SIGMAR1: variants seen among roughly 807,000 people sequenced by gnomAD.
SIGMAR1 encodes the protein SR31747 binding protein 1.
In SIGMAR1, 18 loss-of-function variants were observed where a neutral mutation model predicts 25.4. The ratio of observed to expected loss-of-function variants is 0.71; its 90% CI spans 0.49 to 1.05. SIGMAR1 has a LOEUF of 1.05. SIGMAR1 is among the 50% of genes least tolerant of loss of function. SIGMAR1 has a pLI of 0.00. For missense variants in SIGMAR1, 249 were observed against 301.6 expected (o/e 0.83, Z 1.29); for synonymous variants, 125 against 131.6 (o/e 0.95, Z 0.34).
Position 34,635,581 on chromosome 9 carries a change from C to T in SIGMAR1, c.*51G>A, listed in dbSNP as rs768783740. The T allele has an allele frequency of 7.5e-6, 12 of 1,610,312 alleles. No homozygotes were observed. The highest frequency in any genetic ancestry group is 1.7e-4 in the Middle Eastern group (1 of 5,920). ...ATGGGCTCCAGCAAGTGGATATGTG[C>T]GGGCCTGCCCGCTCCTGTCTATCCG... On this transcript the variant is annotated 3_prime_UTR_variant, in exon 4 of 4. Coordinates refer to ENST00000277010, the MANE Select transcript of SIGMAR1 (RefSeq NM_005866.4). The surrounding 1 kb of genome is among the most constrained non-coding windows in gnomAD (Gnocchi z 4.5).
In SIGMAR1 at chr9:34,635,893, C is replaced by CTGCTTTTCCATGGCT. The variant is rs763791047; in HGVS notation, c.446-36_446-35insAGCCATGGAAAAGCA. ...AGGGAGCACCCAAGTGAAAAGCCAG[C>CTGCTTTTCCATGGCT]TCTGCCCTGCCCTTCCATGGCTGCT... On this transcript the variant is annotated intron_variant, in intron 3 of 3. Coordinates refer to ENST00000277010, the MANE Select transcript of SIGMAR1 (RefSeq NM_005866.4). The surrounding 1 kb of genome is among the most constrained non-coding windows in gnomAD (Gnocchi z 4.5). The CTGCTTTTCCATGGCT allele has an allele frequency of 6.2e-6, 10 of 1,612,264 alleles. No individual in the cohort carries two copies. The highest frequency in any genetic ancestry group is 7.6e-6 in the Non-Finnish European group (9 of 1,179,824).
Position 34,637,294 on chromosome 9 carries a change from A to T in SIGMAR1, c.278T>A (p.Met93Lys), listed in dbSNP as rs1436490961. Reference sequence around the variant, plus strand: ...GGACAGCGAGGCGTGCAGAAGGCACATGGCGCCCATCCAGCCACCCGCATT... The same window carrying T: ...GGACAGCGAGGCGTGCAGAAGGCACTTGGCGCCCATCCAGCCACCCGCATT... ...FVNAGGWMGAMCLLHASLSEY... is the reference protein window; with the variant it reads ...FVNAGGWMGAKCLLHASLSEY... Residue 93 changes from methionine to lysine, a missense_variant, in exon 2 of 4, where the codon ATG becomes AAG. Transcript: ENST00000277010. 6.3e-7 allele frequency: 1 copy of T among 1,589,910 alleles called. No homozygotes were observed. Among genetic ancestry groups the T allele is most frequent in the East Asian group, 2.3e-5 (1 of 44,108 alleles).
Position 34,635,158 on chromosome 9 carries a change from G to A in SIGMAR1, c.*474C>T. The A allele has an allele frequency of 4.0e-6, 1 of 252,086 alleles. No individual in the cohort carries two copies. Among genetic ancestry groups the A allele is most frequent in the African/African-American group, 2.2e-5 (1 of 45,256 alleles). The allele number at this position is 252,086 out of a possible 1,614,324, so 15.6% of individuals were successfully genotyped here. On this transcript the variant is annotated 3_prime_UTR_variant, in exon 4 of 4. Transcript: ENST00000277010. The surrounding 1 kb of genome is among the most constrained non-coding windows in gnomAD (Gnocchi z 4.5). The stretch of plus-strand genomic sequence containing the variant: ...AAGGGCATCATAGCTGCAGGTGAAG[G>A]GGGCCTCCAAAAGGCAGCTCCTCTT...
chr9:34,635,800 T>C lies in SIGMAR1; in HGVS notation c.504A>G (p.Thr168=). The change falls in exon 4 of 4, where the codon ACA becomes ACG. Residue 168 remains threonine, a synonymous_variant. Transcript: ENST00000277010. The surrounding 1 kb of genome is among the most constrained non-coding windows in gnomAD (Gnocchi z 4.5). Reference sequence around the variant, plus strand: ...CGCCCCGGCCGTACTCCACCATCCATGTGTTTGGCCCCCACTCCACAGCTG... The same window carrying C: ...CGCCCCGGCCGTACTCCACCATCCACGTGTTTGGCCCCCACTCCACAGCTG... ...EATAVEWGPN[T]WMVEYGRGVI... is the part of the protein sequence containing the mutation. 4 of 1,614,168 alleles carry C rather than the reference T, an allele frequency of 2.5e-6. No individual in the cohort carries two copies. In the African/African-American group the frequency reaches 5.3e-5, roughly 22 times the overall value.
chr9:34,635,836 A>T lies in SIGMAR1; in HGVS notation c.468T>A (p.Pro156=). The change falls in exon 4 of 4, where the codon CCT becomes CCA. Residue 156 remains proline (P), a synonymous_variant. Coordinates refer to ENST00000277010, the MANE Select transcript of SIGMAR1 (RefSeq NM_005866.4). This position sits in a 1 kb window ranked among gnomAD's most constrained non-coding sequence, Gnocchi z 4.5. ...FYPGETVVHG[P]GEATAVEWGP... ...CCCACTCCACAGCTGTTGCCTCACC[A>T]GGCCCGTGTACTACCGTCTCCCCTG... is the stretch of plus-strand genomic sequence containing the variant. 4 of 1,614,104 alleles carry T rather than the reference A, an allele frequency of 2.5e-6. No individual in the cohort carries two copies. The highest frequency in any genetic ancestry group is 3.4e-6 in the Non-Finnish European group (4 of 1,179,994).
intron 1 of SIGMAR1, 41 bp downstream of exon 1, chr9:34,637,505 TC>T: frequency 1.3e-6 from 2 of 1,580,932 alleles, no homozygotes; most frequent in Non-Finnish European, 8.6e-7. Flanking sequence ...TAGGCTCCGC[TC>T]CCAGGCCGGC....
At position 34,634,774 on chromosome 9, in the gene SIGMAR1, T is replaced by C. The variant is rs1205717640; in HGVS notation, c.*858A>G. The C allele has an allele frequency of 6.6e-6, 1 of 151,920 alleles. No homozygotes were observed. The highest frequency in any genetic ancestry group is 1.5e-5 in the Non-Finnish European group (1 of 68,120). The allele number at this position is 151,920 out of a possible 1,614,324, so 9.4% of individuals were successfully genotyped here. ...TAGAAACAGACAGATGGACAGAGAA[T>C]GCAGCAGGGGCTGTGTGAAAACTGT... On this transcript the variant is annotated 3_prime_UTR_variant, in exon 4 of 4. Coordinates refer to ENST00000277010, the MANE Select transcript of SIGMAR1 (RefSeq NM_005866.4).
In SIGMAR1 at chr9:34,637,401, G is replaced by A. The variant is rs113003946; in HGVS notation, c.171C>T (p.Ala57=). 22 of 1,604,722 alleles carry A rather than the reference G, an allele frequency of 1.4e-5. No homozygotes were observed. In the African/African-American group the frequency reaches 2.1e-4, roughly 16 times the overall value. ...GCAGCTCCACGATCAGACGAGAGAA[G>A]GCCAGCTCGTGGTCCAGCCCTGGCG... is the stretch of plus-strand genomic sequence containing the variant. ...RQYAGLDHEL[A]FSRLIVELRR... The change falls in exon 2 of 4, where the codon GCC becomes GCT. Residue 57 remains alanine, a synonymous_variant. Coordinates refer to ENST00000277010, the MANE Select transcript of SIGMAR1 (RefSeq NM_005866.4).
chr9:34,635,702 T>C lies in SIGMAR1; in HGVS notation c.602A>G (p.Tyr201Cys). 2.5e-6 allele frequency: 4 copies of C among 1,614,140 alleles called. No individual in the cohort carries two copies. The highest frequency in any genetic ancestry group is 3.4e-6 in the Non-Finnish European group (4 of 1,180,012). The part of the protein sequence containing the change: ...FSTQDFLTLF[Y>C]TLRSYARGLR... ...GCCCCGAGCATAGGAGCGAAGAGTA[T>C]AGAAGAGGGTGAGGAAGTCCTGGGT... The change falls in exon 4 of 4, where the codon TAT becomes TGT. Residue 201 changes from tyrosine (Y) to cysteine (C), a missense_variant. Transcript: ENST00000277010. The surrounding 1 kb of genome is among the most constrained non-coding windows in gnomAD (Gnocchi z 4.5).
chr9:34,637,409 C>A lies in SIGMAR1; in HGVS notation c.163G>T (p.Glu55Ter). Residue 55 changes from glutamate (E) to a stop codon, truncating the protein, a stop_gained, in exon 2 of 4, where the codon GAG becomes TAG. Coordinates refer to ENST00000277010, the MANE Select transcript of SIGMAR1 (RefSeq NM_005866.4). LOFTEE classifies it high-confidence loss of function. The part of the protein sequence containing the change: ...LARQYAGLDH[E>*]LAFSRLIVEL... ...ACGATCAGACGAGAGAAGGCCAGCT[C>A]GTGGTCCAGCCCTGGCGGAGGCAGA... 6.2e-7 allele frequency: 1 copy of A among 1,603,692 alleles called. No individual in the cohort carries two copies. Among genetic ancestry groups the A allele is most frequent in the Non-Finnish European group, 8.5e-7 (1 of 1,179,426 alleles).
In SIGMAR1 at chr9:34,635,784, C is replaced by T. The variant is rs773684539; in HGVS notation, c.520G>A (p.Gly174Ser). The T allele has an allele frequency of 9.3e-6, 15 of 1,614,084 alleles. No homozygotes were observed. Among genetic ancestry groups the T allele is most frequent in the East Asian group, 4.5e-5 (2 of 44,886 alleles). ...AGGGTGGATGGGATGACGCCCCGGC[C>T]GTACTCCACCATCCATGTGTTTGGC... ...WGPNTWMVEY[G>S]RGVIPSTLAF... The change falls in exon 4 of 4, where the codon GGC (glycine) becomes AGC (serine). Residue 174 changes from glycine (G) to serine (S), a missense_variant. Transcript: ENST00000277010. This position sits in a 1 kb window ranked among gnomAD's most constrained non-coding sequence, Gnocchi z 4.5.
intron 1 of SIGMAR1, 63 bp from the exon 2 acceptor site, chr9:34,637,483 C>G (rs1587229247): frequency 1.3e-6 from 2 of 1,580,020 alleles, no homozygotes. Flanking sequence ...GGGGATGGCG[C>G]CTTCGGAACC....
Position 34,635,791 on chromosome 9 carries a change from C to T in SIGMAR1, c.513G>A (p.Val171=). ...AVEWGPNTWM[V]EYGRGVIPST... ...ATGGGATGACGCCCCGGCCGTACTCCACCATCCATGTGTTTGGCCCCCACT... is the reference window on the plus strand; with the variant it reads ...ATGGGATGACGCCCCGGCCGTACTCTACCATCCATGTGTTTGGCCCCCACT... Residue 171 remains valine, a synonymous_variant, in exon 4 of 4, where the codon GTG becomes GTA. Coordinates refer to ENST00000277010, the MANE Select transcript of SIGMAR1 (RefSeq NM_005866.4). This position sits in a 1 kb window ranked among gnomAD's most constrained non-coding sequence, Gnocchi z 4.5. 1 of 1,614,220 alleles carries T rather than the reference C, an allele frequency of 6.2e-7. No homozygotes were observed. Among genetic ancestry groups the T allele is most frequent in the Non-Finnish European group, 8.5e-7 (1 of 1,180,030 alleles).
chr9:34,636,681 G>A lies in SIGMAR1; in HGVS notation c.445+316C>T, dbSNP rs1820877132. 5 of 469,014 alleles carry A rather than the reference G, an allele frequency of 1.1e-5. No individual in the cohort carries two copies. The South Asian group carries it at 1.1e-4, about 10-fold the overall frequency. The allele number at this position is 469,014 out of a possible 1,614,324, so 29.1% of individuals were successfully genotyped here. A position where few individuals can be genotyped will look rare whatever the true frequency, so the allele number is the denominator to read the frequency against. The stretch of plus-strand genomic sequence containing the variant: ...ATAACTGTCTGTCTTGTCTTTTGGG[G>A]TATTGAGAGCATTTCTGATTACCCA... On this transcript the variant is annotated intron_variant, in intron 3 of 3. Transcript: ENST00000277010.
chr9:34,637,138 T>C (rs912290795), intron 2 of SIGMAR1, 49 bp from the exon 3 acceptor site: 1 of 1,609,664 alleles, frequency 6.2e-7, no homozygotes, highest in African/African-American at 1.3e-5. Flanking sequence ...CGCCATTGCA[T>C]GGCCCAGCCA....
Position 34,635,572 on chromosome 9 carries a change from G to A in SIGMAR1, c.*60C>T, listed in dbSNP as rs780308868. The stretch of plus-strand genomic sequence containing the variant: ...TCTGTAAACATGGGCTCCAGCAAGT[G>A]GATATGTGCGGGCCTGCCCGCTCCT... On this transcript the variant is annotated 3_prime_UTR_variant, in exon 4 of 4. Coordinates refer to ENST00000277010, the MANE Select transcript of SIGMAR1 (RefSeq NM_005866.4). This position sits in a 1 kb window ranked among gnomAD's most constrained non-coding sequence, Gnocchi z 4.5. 1.9e-6 allele frequency: 3 copies of A among 1,608,128 alleles called. No homozygotes were observed. The highest frequency in any genetic ancestry group is 2.2e-5 in the East Asian group (1 of 44,690).
intron 1 of SIGMAR1, 39 bp from the exon 2 acceptor site, chr9:34,637,459 C>T (rs1446265073): frequency 6.3e-7 from 1 of 1,590,042 alleles, no homozygotes; most frequent in East Asian, 2.3e-5. Flanking sequence ...AGGGCTGGCA[C>T]CGGTCCTAGG....
chr9:34,635,893 C>G lies in SIGMAR1; in HGVS notation c.446-35G>C, dbSNP rs1564095266. The G allele has an allele frequency of 6.2e-7, 1 of 1,612,382 alleles. No individual in the cohort carries two copies. The highest frequency in any genetic ancestry group is 8.5e-7 in the Non-Finnish European group (1 of 1,179,816). On this transcript the variant is annotated intron_variant, in intron 3 of 3. Transcript: ENST00000277010. The surrounding 1 kb of genome is among the most constrained non-coding windows in gnomAD (Gnocchi z 4.5). ...AGGGAGCACCCAAGTGAAAAGCCAGCTCTGCCCTGCCCTTCCATGGCTGCT... is the reference window on the plus strand; with the variant it reads ...AGGGAGCACCCAAGTGAAAAGCCAGGTCTGCCCTGCCCTTCCATGGCTGCT...
At position 34,635,349 on chromosome 9, in the gene SIGMAR1, C is replaced by T; in HGVS notation, c.*283G>A. ...GTGAGTCAAGCTGTGATGTGTGTGTCTGAACACAACTGGCTCCCTTGGTAT... is the reference window on the plus strand; with the variant it reads ...GTGAGTCAAGCTGTGATGTGTGTGTTTGAACACAACTGGCTCCCTTGGTAT... On this transcript the variant is annotated 3_prime_UTR_variant, in exon 4 of 4. Transcript: ENST00000277010. The surrounding 1 kb of genome is among the most constrained non-coding windows in gnomAD (Gnocchi z 4.5). 2.1e-6 allele frequency: 1 copy of T among 473,484 alleles called. No individual in the cohort carries two copies. The highest frequency in any genetic ancestry group is 2.0e-5 in the African/African-American group (1 of 50,884). 29.3% of individuals were successfully genotyped at this position (473,484 alleles called of 1,614,324 possible).
Sources: gnomAD v4.1 joint callset for allele counts on GRCh38, gnomAD v4.1.1 for gene constraint, Gnocchi (gnomAD v3.1) non-coding constraint, MANE v1.5 for transcripts, NCBI Gene and HGNC (gene_info 2026-07-23, HGNC 2026-07-21) for gene names.